GALM: variants seen among roughly 807,000 people sequenced by gnomAD.
GALM encodes the protein aldose 1-epimerase.
GALM carries 43 observed loss-of-function variants against 37.4 expected under a neutral mutation model. The ratio of observed to expected loss-of-function variants is 1.15; its 90% CI spans 0.90 to 1.48. The LOEUF (loss-of-function observed/expected upper bound fraction) is 1.48, where lower values mean the gene tolerates loss of function less well. Among genes scored for constraint, GALM ranks in the 40% most tolerant of loss-of-function variants. The pLI, the probability that GALM is intolerant of heterozygous loss-of-function variation, is 0.00. For missense variants in GALM, 456 were observed against 419.1 expected, an observed-to-expected ratio of 1.09 and a Z score of -0.77; for synonymous variants, 199 against 170.6, an observed-to-expected ratio of 1.17 and a Z score of -1.30.
Position 38,709,053 on chromosome 2 carries a change from A to G in GALM, c.634+19159A>G, listed in dbSNP as rs143305269. Among the ~76,000 whole-genome samples, 141 of 152,310 alleles carry G rather than the reference A, an allele frequency of 9.3e-4. 1 individual carries two copies. Among genetic ancestry groups the G allele is most frequent in the Non-Finnish European group, 1.7e-3 (118 of 68,028 alleles). ...TGGGGTTTTATCAGAGAGGAGGAGC[A>G]GGAGGACAGGGTGTAAGGCAGATCA... On this transcript the variant is annotated intron_variant, in intron 4 of 6. Transcript: ENST00000272252.
intron 4 of GALM, among the ~76,000 whole-genome samples, chr2:38,690,634 C>T (rs775022954): frequency 1.3e-5 from 2 of 152,034 alleles, no homozygotes; most frequent in Non-Finnish European, 2.9e-5. Flanking sequence ...TGTTTTACCA[C>T]GTTGCCCAGG....
At chr2:38,683,828 A>G (rs932600463) in intron 3 of GALM, among the ~76,000 whole-genome samples, 2 of 152,138 alleles carry the variant, frequency 1.3e-5, no homozygotes, top group African/African-American at 4.8e-5. Flanking sequence ...CAGCCTCCCA[A>G]AGTGCTAGGA....
intron 4 of GALM, among the ~76,000 whole-genome samples, chr2:38,691,238 A>G (rs1354654992): frequency 1.3e-5 from 2 of 152,236 alleles, no homozygotes; most frequent in Non-Finnish European, 2.9e-5. Flanking sequence ...TTCTCATGCT[A>G]TCCGGTTGAG....
chr2:38,679,224 T>C (rs998100692), intron 2 of GALM, among the ~76,000 whole-genome samples: 4 of 152,164 alleles, frequency 2.6e-5, no homozygotes, highest in Non-Finnish European at 4.4e-5. Flanking sequence ...TGACCTCAAG[T>C]GATCTGCCCG....
chr2:38,697,395 G>T (rs1665833795), intron 4 of GALM, among the ~76,000 whole-genome samples: 1 of 152,114 alleles, frequency 6.6e-6, no homozygotes, highest in Non-Finnish European at 1.5e-5. Flanking sequence ...TGTTTTCATA[G>T]TCTCTCTTTA....
At chr2:38,721,898 G>C (rs1666382829) in intron 4 of GALM, among the ~76,000 whole-genome samples, 1 of 152,086 alleles carries the variant, frequency 6.6e-6, no homozygotes, top group Non-Finnish European at 1.5e-5. Flanking sequence ...GTCATGACCT[G>C]TCTTTGCAAC....
intron 3 of GALM, among the ~76,000 whole-genome samples, chr2:38,687,553 T>C (rs550382464): frequency 1.4e-4 from 22 of 151,852 alleles, no homozygotes; most frequent in Admixed American, 1.3e-3. Flanking sequence ...CTACTAAAAA[T>C]ACAAAAATTA....
chr2:38,690,054 G>A (rs1665635672), intron 4 of GALM, among the ~76,000 whole-genome samples, 160 bp downstream of exon 4: 1 of 152,202 alleles, frequency 6.6e-6, no homozygotes, highest in Non-Finnish European at 1.5e-5. Flanking sequence ...TATGTGTACT[G>A]TGTTTATGTA....
At chr2:38,718,963 G>A (rs1666322838) in intron 4 of GALM, among the ~76,000 whole-genome samples, 1 of 151,930 alleles carries the variant, frequency 6.6e-6, no homozygotes, top group Admixed American at 6.5e-5. Context: ...TGTAATCAGT[G>A]CTTGGTCAGA....
intron 4 of GALM, among the ~76,000 whole-genome samples, chr2:38,720,627 T>C (rs1400540271): frequency 6.6e-6 from 1 of 152,106 alleles, no homozygotes; most frequent in Non-Finnish European, 1.5e-5. Context: ...TGGCGGGGAA[T>C]TTAGACAGGG....
intron 6 of GALM, 82 bp downstream of exon 6, chr2:38,731,991 C>T: frequency 8.9e-7 from 1 of 1,119,438 alleles, no homozygotes; most frequent in Non-Finnish European, 1.3e-6. Flanking sequence ...CTCGAATCAG[C>T]TTGTATGATT....
chr2:38,732,645 G>A (rs1313416162), intron 6 of GALM, among the ~76,000 whole-genome samples: 1 of 152,188 alleles, frequency 6.6e-6, no homozygotes, highest in Non-Finnish European at 1.5e-5. Context: ...CTTGGGCTGG[G>A]CAAGGTGGCT....
intron 2 of GALM, among the ~76,000 whole-genome samples, chr2:38,680,702 G>T (rs1230048951): frequency 6.7e-6 from 1 of 149,648 alleles, no homozygotes; most frequent in Non-Finnish European, 1.5e-5. Context: ...GCAGAGTGGG[G>T]CTACAAGATT....
At chr2:38,679,347 A>G (rs1665337957) in intron 2 of GALM, among the ~76,000 whole-genome samples, 1 of 148,738 alleles carries the variant, frequency 6.7e-6, no homozygotes, top group African/African-American at 2.5e-5. Flanking sequence ...GTAGTATGAA[A>G]CTCCCCACCG....
intron 1 of GALM, among the ~76,000 whole-genome samples, chr2:38,672,259 G>C (rs150176091): frequency 2.0e-5 from 3 of 152,282 alleles, no homozygotes; most frequent in African/African-American, 7.2e-5. Flanking sequence ...ATGAATCAAA[G>C]TAGGACTCAA....
At chr2:38,687,938 A>G (rs531859071) in intron 3 of GALM, among the ~76,000 whole-genome samples, 15 of 152,260 alleles carry the variant, frequency 9.9e-5, no homozygotes, top group African/African-American at 3.1e-4. Context: ...TCGGCCGGGC[A>G]CAGTGCCTCA....
intron 4 of GALM, among the ~76,000 whole-genome samples, chr2:38,692,358 C>T (rs988541828): frequency 6.6e-6 from 1 of 152,196 alleles, no homozygotes; most frequent in African/African-American, 2.4e-5. Flanking sequence ...TAAGAATTCA[C>T]ATGTCTGGCC....
At chr2:38,686,946 G>A (rs1044513749) in intron 3 of GALM, among the ~76,000 whole-genome samples, 1 of 152,126 alleles carries the variant, frequency 6.6e-6, no homozygotes, top group African/African-American at 2.4e-5. Flanking sequence ...AGGTGCTTTG[G>A]TCCACCTGGG....
rs561474357 is a variant in GALM at position 38,724,072 on chromosome 2, C to T, written c.635-5484C>T. ...TAGCTGGGACTACAGGCACACACCA[C>T]CATGCCCAGCTAATTTTTGTATTTT... On this transcript the variant is annotated intron_variant, in intron 4 of 6. Transcript: ENST00000272252. Among the ~76,000 whole-genome samples the T allele has an allele frequency of 3.8e-4, 58 of 152,102 alleles. No homozygotes were observed. The East Asian group carries it at 7.5e-3, about 20-fold the overall frequency.
Sources: allele counts gnomAD v4.1 joint callset (sites outside exome capture counted in the v4.1 genomes callset), GRCh38; gene constraint gnomAD v4.1.1; transcripts MANE v1.5; gene names NCBI Gene and HGNC (gene_info 2026-07-23, HGNC 2026-07-21).